MAF: variants seen among roughly 807,000 people sequenced by gnomAD.
MAF encodes the protein MAF bZIP transcription factor.
MAF carries 10 observed loss-of-function variants against 22.0 expected under a neutral mutation model. The observed-to-expected ratio is 0.45, with a 90% CI of 0.28 to 0.77. MAF has a LOEUF of 0.77. Among genes scored for constraint, MAF ranks in the 30% least tolerant of loss-of-function variants. The pLI, the probability that MAF is intolerant of heterozygous loss-of-function variation, is 0.12. For synonymous variants in MAF, 337 were observed against 255.8 expected, an observed-to-expected ratio of 1.32 and a Z score of -3.03; for missense variants, 544 against 548.4, an observed-to-expected ratio of 0.99 and a Z score of 0.08.
chr16:79,278,916 G>A, the MAF span, among the ~76,000 whole-genome samples: 3 of 152,130 alleles, frequency 2.0e-5, no homozygotes, highest in African/African-American at 7.2e-5. Context: ...AGGTTCCTGG[G>A]GAATGGGGCC....
the MAF span, among the ~76,000 whole-genome samples, chr16:79,303,104 T>C: frequency 6.6e-6 from 1 of 152,262 alleles, no homozygotes; most frequent in Admixed American, 6.5e-5. Flanking sequence ...TGTGTGTGAA[T>C]GTGTGTGTGT....
the MAF span, among the ~76,000 whole-genome samples, chr16:79,460,842 T>G: frequency 6.6e-6 from 1 of 152,220 alleles, no homozygotes; most frequent in Non-Finnish European, 1.5e-5. Flanking sequence ...TTATGGTGAG[T>G]GGCTCTTCCT....
chr16:79,292,660 C>G, the MAF span, among the ~76,000 whole-genome samples: 1 of 152,046 alleles, frequency 6.6e-6, no homozygotes, highest in Non-Finnish European at 1.5e-5. Flanking sequence ...GGCTGCATTC[C>G]CGGGAAGTTA....
chr16:79,484,250 G>A, the MAF span, among the ~76,000 whole-genome samples: 3 of 152,302 alleles, frequency 2.0e-5, no homozygotes, highest in South Asian at 2.1e-4. Context: ...AATGCCCTCC[G>A]TCTTCTTAGT....
the MAF span, among the ~76,000 whole-genome samples, chr16:79,464,796 A>T: frequency 6.6e-6 from 1 of 152,312 alleles, no homozygotes. Context: ...ATTCCAGAAA[A>T]TTCCAGGACA....
the MAF span, among the ~76,000 whole-genome samples, chr16:79,531,070 T>G: frequency 2.6e-5 from 4 of 152,230 alleles, no homozygotes; most frequent in Non-Finnish European, 5.9e-5. Context: ...TATCAGCTAT[T>G]TGAAAGGTCA....
the MAF span, among the ~76,000 whole-genome samples, chr16:79,492,103 A>C: frequency 6.6e-6 from 1 of 152,232 alleles, no homozygotes; most frequent in Non-Finnish European, 1.5e-5. Flanking sequence ...ATAATAAAAC[A>C]AAGTGCCTCC....
At chr16:79,418,673 T>C in the MAF span, among the ~76,000 whole-genome samples, 4 of 152,370 alleles carry the variant, frequency 2.6e-5, no homozygotes, top group South Asian at 8.3e-4. Flanking sequence ...TAGAAGCTGC[T>C]GTTCACATAT....
the MAF span, among the ~76,000 whole-genome samples, chr16:79,211,185 G>A: frequency 6.6e-6 from 1 of 152,086 alleles, no homozygotes; most frequent in Non-Finnish European, 1.5e-5. Flanking sequence ...AAGAGTGGTT[G>A]GTTTGTCAGA....
chr16:79,492,629 G>A, the MAF span, among the ~76,000 whole-genome samples: 3 of 151,796 alleles, frequency 2.0e-5, no homozygotes, highest in African/African-American at 4.8e-5. Flanking sequence ...TGAATACAAT[G>A]TCCATCAATC....
chr16:79,365,367 C>A, the MAF span, among the ~76,000 whole-genome samples: 2 of 152,252 alleles, frequency 1.3e-5, no homozygotes, highest in African/African-American at 4.8e-5. Flanking sequence ...TGGCTGGATT[C>A]CTGACTAGAA....
chr16:79,579,043 A>C, the MAF span, among the ~76,000 whole-genome samples: 1 of 152,172 alleles, frequency 6.6e-6, no homozygotes. Flanking sequence ...ATGCCAACTG[A>C]CAAGCACTTC....
the MAF span, among the ~76,000 whole-genome samples, chr16:79,429,001 A>C: frequency 6.6e-6 from 1 of 152,128 alleles, no homozygotes; most frequent in Non-Finnish European, 1.5e-5. Context: ...TCGCTCTGGA[A>C]ATAGTTCATT....
At chr16:79,472,416 A>G in the MAF span, among the ~76,000 whole-genome samples, 2 of 152,254 alleles carry the variant, frequency 1.3e-5, no homozygotes, top group Admixed American at 1.3e-4. Context: ...TGTTCTATCC[A>G]TACAATGGAA....
chr16:79,219,180 T>C, the MAF span, among the ~76,000 whole-genome samples: 1 of 152,216 alleles, frequency 6.6e-6, no homozygotes, highest in Non-Finnish European at 1.5e-5. Flanking sequence ...CTCATTCAGA[T>C]GAGGGAGGCT....
At chr16:79,503,981 G>C in the MAF span, among the ~76,000 whole-genome samples, 1 of 152,130 alleles carries the variant, frequency 6.6e-6, no homozygotes, top group Non-Finnish European at 1.5e-5. Context: ...CATGTTAACT[G>C]TTACATTGCA....
chr16:79,251,574 C>G, the MAF span, among the ~76,000 whole-genome samples: 11 of 151,116 alleles, frequency 7.3e-5, no homozygotes, highest in Admixed American at 3.3e-4. Flanking sequence ...GCCTCGGCCT[C>G]CCAAAGTGCT....
chr16:79,392,216 G>C, the MAF span, among the ~76,000 whole-genome samples: 2 of 147,608 alleles, frequency 1.4e-5, no homozygotes, highest in African/African-American at 5.0e-5. Context: ...AGAGGAGAAA[G>C]AAAAAGAGAA....
At chr16:79,570,848 G>A in the MAF span, among the ~76,000 whole-genome samples, 1 of 152,140 alleles carries the variant, frequency 6.6e-6, no homozygotes, top group Non-Finnish European at 1.5e-5. Context: ...AATATGTTCT[G>A]TGCGAGTTTC....
Sources: gnomAD v4.1 joint callset for allele counts (sites outside exome capture counted in the v4.1 genomes callset) on GRCh38, gnomAD v4.1.1 for gene constraint, MANE v1.5 for transcripts, NCBI Gene and HGNC (gene_info 2026-07-23, HGNC 2026-07-21) for gene names.